Variants in MBOAT2 observed in about 807,000 individuals in gnomAD.
The protein encoded by MBOAT2 is membrane bound glycerophospholipid O-acyltransferase 2, also known as membrane-bound glycerophospholipid O-acyltransferase 2.
A neutral mutation model predicts 63.4 loss-of-function variants in MBOAT2; 28 were observed. The ratio of observed to expected loss-of-function variants is 0.44; its 90% CI spans 0.33 to 0.61. The LOEUF (loss-of-function observed/expected upper bound fraction) is 0.61. Ranked by LOEUF, MBOAT2 falls within the 20% of genes least tolerant of loss-of-function variation. The pLI is 0.03. For synonymous variants in MBOAT2, 211 were observed against 215.6 expected, an observed-to-expected ratio of 0.98 and a Z score of 0.19; for missense variants, 470 against 605.8, an observed-to-expected ratio of 0.78 and a Z score of 2.35.
chr2:8,946,311 A>G (rs557998122), intron 2 of MBOAT2, among the ~76,000 whole-genome samples: 1 of 152,238 alleles, frequency 6.6e-6, no homozygotes, highest in Non-Finnish European at 1.5e-5. Context: ...CTGACTTCAG[A>G]GTTTAAGCTC....
intron 1 of MBOAT2, among the ~76,000 whole-genome samples, chr2:8,994,409 G>C (rs1405090470): frequency 6.6e-6 from 1 of 152,238 alleles, no homozygotes; most frequent in Non-Finnish European, 1.5e-5. Flanking sequence ...GCAGTGGAGA[G>C]GGGCGAGGAC....
chr2:8,866,364 G>A (rs892189726), intron 9 of MBOAT2, among the ~76,000 whole-genome samples: 4 of 152,146 alleles, frequency 2.6e-5, no homozygotes, highest in Admixed American at 6.5e-5. Flanking sequence ...GGAAAAGAGT[G>A]TCTCAAAAGT....
chr2:8,880,472 G>C (rs919367238), intron 6 of MBOAT2, among the ~76,000 whole-genome samples: 1 of 152,204 alleles, frequency 6.6e-6, no homozygotes. Flanking sequence ...TGTTCTGTTC[G>C]AGCTGCCTGT....
intron 1 of MBOAT2, among the ~76,000 whole-genome samples, chr2:8,984,523 T>C (rs1573246298): frequency 1.3e-5 from 2 of 152,162 alleles, no homozygotes; most frequent in Admixed American, 1.3e-4. Context: ...CTTAAAAGGG[T>C]GTTCCTTAAG....
intron 1 of MBOAT2, among the ~76,000 whole-genome samples, chr2:8,959,226 G>C (rs2103276875): frequency 6.6e-6 from 1 of 152,192 alleles, no homozygotes; most frequent in Middle Eastern, 3.4e-3. Flanking sequence ...GGCTCCCAAG[G>C]GGAAGGAATG....
chr2:8,884,678 T>C (rs1663416824), intron 5 of MBOAT2, among the ~76,000 whole-genome samples: 1 of 152,276 alleles, frequency 6.6e-6, no homozygotes, highest in East Asian at 1.9e-4. Context: ...TGGCATAGGG[T>C]GGGCCTCTAC....
intron 2 of MBOAT2, among the ~76,000 whole-genome samples, chr2:8,951,361 C>A (rs565089521): frequency 1.2e-4 from 19 of 152,092 alleles, no homozygotes; most frequent in Non-Finnish European, 1.0e-4. Flanking sequence ...TGTGTCACCA[C>A]ACCTGGCTAA....
intron 2 of MBOAT2, among the ~76,000 whole-genome samples, chr2:8,950,176 G>A (rs1668728829): frequency 6.6e-6 from 1 of 152,124 alleles, no homozygotes; most frequent in Non-Finnish European, 1.5e-5. Context: ...CTTGTAGCCT[G>A]AAATCTTGCT....
At chr2:8,920,773 G>C (rs1666511695) in intron 3 of MBOAT2, among the ~76,000 whole-genome samples, 2 of 152,084 alleles carry the variant, frequency 1.3e-5, no homozygotes, top group Non-Finnish European at 2.9e-5. Flanking sequence ...TCTTTTTGAT[G>C]CTGCTGTGAA....
intron 4 of MBOAT2, among the ~76,000 whole-genome samples, chr2:8,889,926 TG>T (rs1289182868): frequency 6.6e-6 from 1 of 152,102 alleles, no homozygotes; most frequent in Non-Finnish European, 1.5e-5. Context: ...GAAACTCTTA[TG>T]AAAGTAAGCT....
At chr2:8,858,968 C>A in intron 12 of MBOAT2, 64 bp from the exon 13 acceptor site, 1 of 1,222,118 alleles carries the variant, frequency 8.2e-7, no homozygotes, top group Non-Finnish European at 1.1e-6. Context: ...TAACTGCACA[C>A]TTGTCAAAAT....
chr2:8,922,005 G>A (rs1055700706), intron 3 of MBOAT2, among the ~76,000 whole-genome samples: 5 of 152,072 alleles, frequency 3.3e-5, no homozygotes, highest in Non-Finnish European at 5.9e-5. Flanking sequence ...CGCGTTAAAC[G>A]TTGTTGATGC....
At chr2:8,867,622 C>G (rs1661994019) in intron 9 of MBOAT2, among the ~76,000 whole-genome samples, 1 of 152,182 alleles carries the variant, frequency 6.6e-6, no homozygotes, top group Non-Finnish European at 1.5e-5. Context: ...GATGTTTAAA[C>G]CAGATTTCTG....
At chr2:8,877,348 GA>G in intron 6 of MBOAT2, 135 bp from the exon 7 acceptor site, 1 of 803,404 alleles carries the variant, frequency 1.2e-6, no homozygotes, top group East Asian at 2.7e-5. Context: ...CATACAATAA[GA>G]ATTTTAAGGA....
At chr2:8,956,008 A>T (rs1311733426) in intron 2 of MBOAT2, among the ~76,000 whole-genome samples, 1 of 152,204 alleles carries the variant, frequency 6.6e-6, no homozygotes, top group Non-Finnish European at 1.5e-5. Context: ...ATTATATTGC[A>T]TACTTAATAG....
intron 1 of MBOAT2, chr2:8,974,426 G>A: frequency 2.2e-6 from 1 of 456,540 alleles, no homozygotes; most frequent in Non-Finnish European, 4.4e-6. Flanking sequence ...GGAATCATGT[G>A]GCGGGCAGCC....
intron 5 of MBOAT2, among the ~76,000 whole-genome samples, chr2:8,884,058 A>C: frequency 6.8e-6 from 1 of 147,750 alleles, no homozygotes; most frequent in East Asian, 2.0e-4. Flanking sequence ...CCTTGTCTTT[A>C]CTAAAAAAAA....
chr2:8,863,131 T>A (rs1661606686), intron 10 of MBOAT2, among the ~76,000 whole-genome samples: 1 of 152,140 alleles, frequency 6.6e-6, no homozygotes, highest in Admixed American at 6.5e-5. Context: ...AGTCTACAAT[T>A]CTTCTATGAC....
intron 3 of MBOAT2, among the ~76,000 whole-genome samples, chr2:8,909,159 G>A (rs767072378): frequency 1.3e-5 from 2 of 152,118 alleles, no homozygotes; most frequent in African/African-American, 2.4e-5. Flanking sequence ...TGAGTCGGGT[G>A]GCATTTACAC....
Sources: gnomAD v4.1 joint callset for allele counts (sites outside exome capture counted in the v4.1 genomes callset) on GRCh38, gnomAD v4.1.1 for gene constraint, MANE v1.5 for transcripts, NCBI Gene and HGNC (gene_info 2026-07-23, HGNC 2026-07-21) for gene names.